The following AK9 variants were observed in gnomAD, a reference collection of about 807,000 sequenced individuals.
AK9 encodes adenylate kinase 9.
AK9 carries 191 observed loss-of-function variants against 239.6 expected under a neutral mutation model. That is an observed-to-expected ratio of 0.80 (90% CI 0.71 to 0.90). The LOEUF is 0.90. AK9 is among the 40% of genes least tolerant of loss of function. AK9 has a pLI of 0.00. For missense variants in AK9, 1,995 were observed against 2,214.7 expected (o/e 0.90, Z 1.99); for synonymous variants, 689 against 721.0 (o/e 0.96, Z 0.71).
intron 21 of AK9, among the ~76,000 whole-genome samples, chr6:109,565,100 G>A (rs1308923455): frequency 6.6e-6 from 1 of 152,198 alleles, no homozygotes. Context: ...AATTCTGGCT[G>A]ATAATTTGTT....
Position 109,497,762 on chromosome 6 carries a change from A to T in AK9, c.5216+34T>A, listed in dbSNP as rs1443383293. ...TGAACCACTTCTTTGGCGTAGCAATATCATTCTATACTTCCATGAAGGCCA... is the reference window on the plus strand; with the variant it reads ...TGAACCACTTCTTTGGCGTAGCAATTTCATTCTATACTTCCATGAAGGCCA... On this transcript the variant is annotated intron_variant, in intron 37 of 40. Transcript: ENST00000424296. The T allele has an allele frequency of 1.9e-6, 3 of 1,593,566 alleles. No individual in the cohort carries two copies. In the Admixed American group the frequency reaches 5.2e-5, roughly 27 times the overall value.
At chr6:109,690,625 T>A (rs1012248111) in intron 1 of AK9, 1 of 152,220 alleles carries the variant, frequency 6.6e-6, no homozygotes, top group African/African-American at 2.4e-5. Context: ...TTGTCATTTC[T>A]TTTCCAATTC....
At chr6:109,537,326 G>A (rs1197936683) in intron 27 of AK9, among the ~76,000 whole-genome samples, 2 of 151,998 alleles carry the variant, frequency 1.3e-5, no homozygotes, top group Admixed American at 1.3e-4. Context: ...TCCTAGTTTA[G>A]TCTTGAGAGG....
chr6:109,670,135 CTT>C (rs985599561), intron 5 of AK9, among the ~76,000 whole-genome samples: 2 of 152,028 alleles, frequency 1.3e-5, no homozygotes, highest in African/African-American at 2.4e-5. Context: ...GTAGGGGAAA[CTT>C]ATATATAAAG....
Position 109,629,242 on chromosome 6 carries a change from C to T in AK9, c.1254+3681G>A, listed in dbSNP as rs183225486. Among the ~76,000 whole-genome samples the T allele has an allele frequency of 4.6e-5, 7 of 151,922 alleles. No individual in the cohort carries two copies. The East Asian group carries it at 7.7e-4, about 17-fold the overall frequency. ...TACAGGCATGAGCCACCATGCCAGC[C>T]GATTTTTCATTATTTTAAATGGGAA... is the stretch of plus-strand genomic sequence containing the variant. On this transcript the variant is annotated intron_variant, in intron 12 of 40. Coordinates refer to ENST00000424296, the MANE Select transcript of AK9 (RefSeq NM_001145128.3).
At chr6:109,535,166 T>C (rs993120134) in intron 27 of AK9, among the ~76,000 whole-genome samples, 3 of 152,298 alleles carry the variant, frequency 2.0e-5, no homozygotes, top group South Asian at 2.1e-4. Context: ...TTCTAGATCC[T>C]TGAGGAATCG....
intron 13 of AK9, among the ~76,000 whole-genome samples, chr6:109,614,753 G>A (rs1793967921): frequency 6.6e-6 from 1 of 152,068 alleles, no homozygotes; most frequent in African/African-American, 2.4e-5. Flanking sequence ...CACACAGGAA[G>A]GCTGTTCCAT....
At chr6:109,512,988 TA>T (rs990822422) in intron 32 of AK9, among the ~76,000 whole-genome samples, 2 of 152,120 alleles carry the variant, frequency 1.3e-5, no homozygotes, top group African/African-American at 4.8e-5. Flanking sequence ...CTCAGCCTCC[TA>T]AATAGTTGGG....
At chr6:109,514,539 AT>A (rs1779075258) in intron 31 of AK9, 102 bp from the exon 32 acceptor site, 3 of 1,015,922 alleles carry the variant, frequency 3.0e-6, no homozygotes, top group Non-Finnish European at 4.2e-6. Context: ...AGAAAAAAAA[AT>A]TCCTTACAGA....
In AK9 at chr6:109,546,135, AG is replaced by A. The variant is rs773261059; in HGVS notation, c.2965-9del. ...TATTCTTAATGGAGGAGCCTGTCAC[AG>A]GGGGTGGGTCAGGGAGGGGTGGGAT... On this transcript the variant is annotated splice_polypyrimidine_tract_variant and intron_variant, in intron 25 of 40. Transcript: ENST00000424296. 7.3e-5 allele frequency: 40 copies of A among 551,218 alleles called. No individual in the cohort carries two copies. Among genetic ancestry groups the A allele is most frequent in the Non-Finnish European group, 1.3e-4 (39 of 306,126 alleles). The allele number at this position is 551,218 out of a possible 1,614,324, so 34.1% of individuals were successfully genotyped here.
intron 29 of AK9, among the ~76,000 whole-genome samples, chr6:109,523,300 T>C (rs144701781): frequency 1.3e-5 from 2 of 152,182 alleles, no homozygotes; most frequent in African/African-American, 2.4e-5. Context: ...TTTCTGTAGA[T>C]GGTCATTTAA....
intron 21 of AK9, among the ~76,000 whole-genome samples, chr6:109,572,248 C>G (rs570567045): frequency 5.3e-5 from 8 of 152,266 alleles, no homozygotes; most frequent in East Asian, 3.9e-4. Flanking sequence ...CCTCAACCCC[C>G]CTCTCGTCTT....
intron 27 of AK9, among the ~76,000 whole-genome samples, chr6:109,536,280 A>C (rs1294592196): frequency 6.6e-6 from 1 of 151,984 alleles, no homozygotes; most frequent in African/African-American, 2.4e-5. Context: ...TCTTTTATTT[A>C]GTTGAGCAGT....
intron 21 of AK9, among the ~76,000 whole-genome samples, chr6:109,571,466 G>C (rs1787404563): frequency 6.6e-6 from 1 of 152,098 alleles, no homozygotes; most frequent in Admixed American, 6.6e-5. Context: ...AGTCTAATTG[G>C]ATCACAGTTA....
rs73520956 is a variant in AK9, at chr6:109,493,007, T to C, written c.*362A>G. 940 of 169,744 alleles carry C rather than the reference T, an allele frequency of 5.5e-3. 14 individuals are homozygous for C. The highest frequency in any genetic ancestry group is 0.021 in the African/African-American group (891 of 41,910). 10.5% of individuals were successfully genotyped at this position (169,744 alleles called of 1,614,324 possible). On this transcript the variant is annotated 3_prime_UTR_variant, in exon 41 of 41. Coordinates refer to ENST00000424296, the MANE Select transcript of AK9 (RefSeq NM_001145128.3). Reference sequence around the variant, plus strand: ...TGTCTTAAAGCTTTCTAACATTTAATGAGTAATTTTAACAGAGACTGACTT... The same window carrying C: ...TGTCTTAAAGCTTTCTAACATTTAACGAGTAATTTTAACAGAGACTGACTT...
chr6:109,576,930 A>G (rs1788166135), intron 20 of AK9, among the ~76,000 whole-genome samples: 1 of 151,662 alleles, frequency 6.6e-6, no homozygotes, highest in Non-Finnish European at 1.5e-5. Context: ...TCCTGGGTTC[A>G]AGCGATTTTC....
At chr6:109,672,255 AAAGATT>A in intron 3 of AK9, 88 bp from the exon 4 acceptor site, 1 of 1,115,252 alleles carries the variant, frequency 9.0e-7, no homozygotes, top group South Asian at 1.4e-5. Flanking sequence ...AACTGGTAAC[AAAGATT>A]AACATTTGTG....
At chr6:109,563,168 T>C (rs139826865) in intron 24 of AK9, among the ~76,000 whole-genome samples, 69 of 152,286 alleles carry the variant, frequency 4.5e-4, no homozygotes, top group Middle Eastern at 3.4e-3. Flanking sequence ...GCTTCCTGTT[T>C]CATTACTGAT....
intron 1 of AK9, among the ~76,000 whole-genome samples, chr6:109,682,426 C>CAAAAAAAAAAAAAAAAAAAA (rs57215335): frequency 1.5e-5 from 1 of 68,532 alleles, no homozygotes; most frequent in African/African-American, 6.4e-5. Flanking sequence ...GACTCCGTCT[C>CAAAAAAAAAAAAAAAAAAAA]AAAAAAAAAA....
Sources: gnomAD v4.1 joint callset for allele counts (sites outside exome capture counted in the v4.1 genomes callset) on GRCh38, gnomAD v4.1.1 for gene constraint, MANE v1.5 for transcripts, NCBI Gene and HGNC (gene_info 2026-07-23, HGNC 2026-07-21) for gene names.